Variants in CSMD1 observed in about 807,000 individuals in gnomAD.
CSMD1 encodes the protein CUB and Sushi multiple domains 1.
Under a neutral mutation model 417.5 loss-of-function variants are expected in CSMD1, and 213 were observed. The observed-to-expected ratio is 0.51, with a 90% CI of 0.46 to 0.57. CSMD1 has a LOEUF of 0.57. CSMD1 is among the 20% of genes least tolerant of loss of function. The pLI is 0.00. For missense variants in CSMD1, 6,923 were observed against 4,529.7 expected (o/e 1.53, Z -15.17); for synonymous variants, 2,862 against 1,736.8 (o/e 1.65, Z -16.11).
At chr8:3,785,066 A>G (rs559176453) in intron 5 of CSMD1, among the ~76,000 whole-genome samples, 60 of 152,312 alleles carry the variant, frequency 3.9e-4, no homozygotes, top group African/African-American at 1.4e-3. Flanking sequence ...TCACCCCTCA[A>G]TAGCATAGTG....
In CSMD1 at chr8:4,490,142, G is replaced by C. The variant is rs144856185; in HGVS notation, c.303-70077C>G. Among the ~76,000 whole-genome samples, 543 of 150,960 alleles carry C rather than the reference G, an allele frequency of 3.6e-3. 5 individuals carry two copies. The highest frequency in any genetic ancestry group is 0.012 in the African/African-American group (509 of 41,088). On this transcript the variant is annotated intron_variant, in intron 2 of 69. Coordinates refer to ENST00000635120, the MANE Select transcript of CSMD1 (RefSeq NM_033225.6). The stretch of plus-strand genomic sequence containing the variant: ...TGCAACCTCTGCCTCCTGAGTTCAA[G>C]TGATTCTCCTGCTTCAGCCTCTCAG...
At chr8:4,060,445 T>C (rs1255638305) in intron 3 of CSMD1, among the ~76,000 whole-genome samples, 2 of 152,108 alleles carry the variant, frequency 1.3e-5, no homozygotes, top group African/African-American at 2.4e-5. Flanking sequence ...TCTGGCCATA[T>C]TGGTGAATTT....
chr8:3,064,302 C>G (rs1298808048), intron 49 of CSMD1, among the ~76,000 whole-genome samples: 4 of 152,246 alleles, frequency 2.6e-5, no homozygotes, highest in African/African-American at 9.6e-5. Flanking sequence ...ATCATGAAGG[C>G]AGCTGTTCTC....
At chr8:3,383,253 A>T (rs1050839715) in intron 18 of CSMD1, among the ~76,000 whole-genome samples, 7 of 152,258 alleles carry the variant, frequency 4.6e-5, no homozygotes, top group East Asian at 3.8e-4. Context: ...TGTTCACATT[A>T]AACATGCAGT....
intron 1 of CSMD1, among the ~76,000 whole-genome samples, chr8:4,735,050 G>T (rs189730296): frequency 6.6e-6 from 1 of 152,232 alleles, no homozygotes; most frequent in African/African-American, 2.4e-5. Context: ...GAACAAGTCA[G>T]TTCAGTAGAA....
intron 5 of CSMD1, among the ~76,000 whole-genome samples, chr8:3,820,787 T>C (rs140116735): frequency 0.012 from 1,781 of 152,248 alleles, 31 homozygotes; most frequent in African/African-American, 0.038. Flanking sequence ...TTTCGCCATG[T>C]TGGCCAGGCT....
intron 5 of CSMD1, among the ~76,000 whole-genome samples, chr8:3,812,540 G>C (rs973567762): frequency 2.6e-5 from 4 of 152,148 alleles, no homozygotes; most frequent in African/African-American, 9.7e-5. Context: ...CAAAAGCTAA[G>C]CTGAAATTCA....
intron 1 of CSMD1, among the ~76,000 whole-genome samples, chr8:4,760,877 G>A (rs558754770): frequency 3.3e-5 from 5 of 152,250 alleles, no homozygotes; most frequent in Admixed American, 6.5e-5. Flanking sequence ...CTCATGTCAT[G>A]ACCTTTTAGA....
intron 20 of CSMD1, among the ~76,000 whole-genome samples, chr8:3,363,015 G>A (rs1054863925): frequency 1.3e-5 from 2 of 152,328 alleles, no homozygotes; most frequent in African/African-American, 4.8e-5. Context: ...AGTTACTTAT[G>A]TTATCTGCCC....
intron 1 of CSMD1, among the ~76,000 whole-genome samples, chr8:4,710,405 T>C (rs1808211855): frequency 6.8e-6 from 1 of 147,996 alleles, no homozygotes; most frequent in Non-Finnish European, 1.5e-5. Flanking sequence ...ATTAAATATA[T>C]AAATTTATAA....
chr8:3,194,764 C>G (rs1050940200), intron 33 of CSMD1, among the ~76,000 whole-genome samples: 3 of 151,918 alleles, frequency 2.0e-5, no homozygotes, highest in Non-Finnish European at 2.9e-5. Context: ...GCCACCATGA[C>G]TGGCCTAATT....
At chr8:4,296,648 G>T (rs577838797) in intron 3 of CSMD1, among the ~76,000 whole-genome samples, 1 of 147,006 alleles carries the variant, frequency 6.8e-6, no homozygotes, top group African/African-American at 2.5e-5. Flanking sequence ...CTATTAACTC[G>T]TATGTGGAGG....
chr8:3,416,952 T>C lies in CSMD1; in HGVS notation c.1562-7347A>G, dbSNP rs117863074. Among the ~76,000 whole-genome samples, 126 of 152,376 alleles carry C rather than the reference T, an allele frequency of 8.3e-4. 3 individuals are homozygous for C. In the East Asian group the frequency reaches 0.023, roughly 27 times the overall value. ...AATTAGGTTCACCCATAGTCATGTA[T>C]ATGAACAGCAATTTCTCTAAATCTC... On this transcript the variant is annotated intron_variant, in intron 12 of 69. Transcript: ENST00000635120.
chr8:4,162,486 A>G (rs1259242926), intron 3 of CSMD1, among the ~76,000 whole-genome samples: 1 of 152,218 alleles, frequency 6.6e-6, no homozygotes, highest in Non-Finnish European at 1.5e-5. Flanking sequence ...CAGTTTGATG[A>G]ACAGTTTTGA....
In CSMD1 at chr8:3,276,227, CAGTT is replaced by C. The variant is rs1435263024; in HGVS notation, c.4153+7913_4153+7916del. Among the ~76,000 whole-genome samples, 16 of 152,266 alleles carry C rather than the reference CAGTT, an allele frequency of 1.1e-4. No individual in the cohort carries two copies. In the South Asian group the frequency reaches 1.9e-3, roughly 18 times the overall value. ...TCTACCCCTGCTGGGAGGTGCCTCT[CAGTT>C]AGGCTTCTTGGGGGTCAGGGACCCA... On this transcript the variant is annotated intron_variant, in intron 26 of 69. Coordinates refer to ENST00000635120, the MANE Select transcript of CSMD1 (RefSeq NM_033225.6).
intron 3 of CSMD1, among the ~76,000 whole-genome samples, chr8:4,232,569 G>A (rs1700047): frequency 0.52 from 79,251 of 151,516 alleles, 21,730 homozygotes; most frequent in Non-Finnish European, 0.62. Flanking sequence ...TCAAAAATGA[G>A]AAATGTGAAT....
chr8:3,690,342 C>A (rs191052977), intron 7 of CSMD1, among the ~76,000 whole-genome samples: 4 of 152,300 alleles, frequency 2.6e-5, no homozygotes, highest in Admixed American at 2.0e-4. Flanking sequence ...GGTGACAGAA[C>A]GAGACTCTGT....
chr8:3,811,522 G>C (rs1401129951), intron 5 of CSMD1, among the ~76,000 whole-genome samples: 1 of 152,008 alleles, frequency 6.6e-6, no homozygotes, highest in African/African-American at 2.4e-5. Context: ...TTGTTCCCTG[G>C]TGTTCCTTGA....
chr8:3,709,002 G>A (rs939530437), intron 6 of CSMD1, among the ~76,000 whole-genome samples: 10 of 152,178 alleles, frequency 6.6e-5, no homozygotes, highest in African/African-American at 2.2e-4. Flanking sequence ...TCTACGTGCT[G>A]TAGATAAAGT....
Sources: allele counts gnomAD v4.1 joint callset (sites outside exome capture counted in the v4.1 genomes callset), GRCh38; gene constraint gnomAD v4.1.1; transcripts MANE v1.5; gene names NCBI Gene and HGNC (gene_info 2026-07-23, HGNC 2026-07-21).